The following DNM3 variants were observed in gnomAD, a reference collection of about 807,000 sequenced individuals.
DNM3 encodes dynamin 3.
Under a neutral mutation model 101.6 loss-of-function variants are expected in DNM3, and 47 were observed. That is an observed-to-expected ratio of 0.46 (90% CI 0.37 to 0.59). The LOEUF (loss-of-function observed/expected upper bound fraction) is 0.59, where lower values mean the gene tolerates loss of function less well. Ranked by LOEUF, DNM3 falls within the 20% of genes least tolerant of loss-of-function variation. DNM3 has a pLI of 0.00. For synonymous variants in DNM3, 385 were observed against 387.9 expected (o/e 0.99, Z 0.09); for missense variants, 849 against 1,085.7 (o/e 0.78, Z 3.06).
intron 20 of DNM3, among the ~76,000 whole-genome samples, chr1:172,403,741 A>G (rs1253233933): frequency 6.6e-6 from 1 of 152,168 alleles, no homozygotes; most frequent in East Asian, 1.9e-4. Context: ...CATACAACAC[A>G]GTGTTTCAAT....
rs537565922 is a variant in DNM3, at chr1:172,410,829, T to C, written c.*2988T>C. 9.2e-5 allele frequency: 91 copies of C among 985,296 alleles called. No homozygotes were observed. Among genetic ancestry groups the C allele is most frequent in the Non-Finnish European group, 1.1e-4 (89 of 829,820 alleles). 61.0% of individuals were successfully genotyped at this position (985,296 alleles called of 1,614,324 possible). On this transcript the variant is annotated 3_prime_UTR_variant, in exon 21 of 21. Coordinates refer to ENST00000627582, the MANE Select transcript of DNM3 (RefSeq NM_015569.5). ...TAAAAAGTGGTCACATAGATTAATTTTGTGACTTTTTAGTATAGACTGTAG... is the reference window on the plus strand; with the variant it reads ...TAAAAAGTGGTCACATAGATTAATTCTGTGACTTTTTAGTATAGACTGTAG...
At chr1:172,042,542 A>G (rs964386292) in intron 8 of DNM3, among the ~76,000 whole-genome samples, 7 of 152,204 alleles carry the variant, frequency 4.6e-5, no homozygotes, top group Non-Finnish European at 1.0e-4. Context: ...ATGTAACATG[A>G]TATGAGAGAG....
At chr1:171,976,788 T>C (rs2044406728) in intron 2 of DNM3, among the ~76,000 whole-genome samples, 1 of 152,254 alleles carries the variant, frequency 6.6e-6, no homozygotes, top group South Asian at 2.1e-4. Flanking sequence ...ATGCATATTG[T>C]AGCTCTGATA....
chr1:172,292,213 A>G (rs545630454), intron 15 of DNM3, among the ~76,000 whole-genome samples: 1 of 152,184 alleles, frequency 6.6e-6, no homozygotes, highest in East Asian at 1.9e-4. Flanking sequence ...ATTTTTCATT[A>G]TAATAAGCCT....
chr1:172,276,202 T>C (rs1488457969), intron 15 of DNM3, among the ~76,000 whole-genome samples: 1 of 151,992 alleles, frequency 6.6e-6, no homozygotes, highest in Non-Finnish European at 1.5e-5. Context: ...GTATTAATAA[T>C]TAGTGTGGGA....
At chr1:171,956,211 C>T (rs551473753) in intron 2 of DNM3, among the ~76,000 whole-genome samples, 11 of 152,228 alleles carry the variant, frequency 7.2e-5, no homozygotes, top group African/African-American at 1.7e-4. Flanking sequence ...AGTCCACAGT[C>T]GAAAGTCTCA....
intron 7 of DNM3, 108 bp from the exon 8 acceptor site, chr1:172,041,901 C>A: frequency 7.7e-7 from 1 of 1,291,842 alleles, no homozygotes; most frequent in Non-Finnish European, 1.0e-6. Flanking sequence ...GTAGGTGCCA[C>A]TAAGAGCACC....
intron 17 of DNM3, among the ~76,000 whole-genome samples, chr1:172,327,915 T>A (rs1012179462): frequency 6.6e-6 from 1 of 152,220 alleles, no homozygotes; most frequent in Non-Finnish European, 1.5e-5. Flanking sequence ...CAAATCAGCC[T>A]TAAAAGAGCA....
intron 14 of DNM3, among the ~76,000 whole-genome samples, chr1:172,159,797 C>T (rs1424074686): frequency 6.6e-6 from 1 of 152,014 alleles, no homozygotes; most frequent in East Asian, 1.9e-4. Flanking sequence ...AGTCATGCAT[C>T]ACTTAACAAT....
chr1:171,913,893 A>G (rs547421731), intron 1 of DNM3, among the ~76,000 whole-genome samples: 14 of 151,948 alleles, frequency 9.2e-5, no homozygotes, highest in Admixed American at 8.5e-4. Flanking sequence ...GGTTCAAGCA[A>G]TCCTCCTGCC....
At chr1:171,856,785 T>TATCAA (rs2033656442) in intron 1 of DNM3, among the ~76,000 whole-genome samples, 1 of 152,168 alleles carries the variant, frequency 6.6e-6, no homozygotes, top group Admixed American at 6.5e-5. Flanking sequence ...GTTTTCTAGA[T>TATCAA]ATCAAATCAT....
chr1:171,899,728 G>T (rs1428848316), intron 1 of DNM3, among the ~76,000 whole-genome samples: 1 of 152,204 alleles, frequency 6.6e-6, no homozygotes, highest in Non-Finnish European at 1.5e-5. Context: ...GGATACCCAA[G>T]AATTAATTAG....
At chr1:172,145,063 T>TA (rs535387676) in intron 14 of DNM3, among the ~76,000 whole-genome samples, 3,171 of 147,162 alleles carry the variant, frequency 0.022, 99 homozygotes, top group African/African-American at 0.073. Flanking sequence ...GGAAAAGCTG[T>TA]AAAAAAAAAA....
chr1:172,121,194 G>A (rs1244831811), intron 13 of DNM3, among the ~76,000 whole-genome samples: 2 of 152,056 alleles, frequency 1.3e-5, no homozygotes, highest in South Asian at 4.1e-4. Flanking sequence ...TCTGCACATG[G>A]GAAAGATACA....
Position 172,388,764 on chromosome 1 carries a change from C to T in DNM3, c.2477C>T (p.Pro826Leu). The T allele has an allele frequency of 6.2e-7, 1 of 1,608,184 alleles. No individual in the cohort carries two copies. Among genetic ancestry groups the T allele is most frequent in the African/African-American group, 1.3e-5 (1 of 74,878 alleles). The change falls in exon 20 of 21, where the codon CCA becomes CTA. Residue 826 changes from proline (P) to leucine (L), a missense_variant. This residue lies in a region of DNM3 where 256 missense variants were observed against 311.7 expected (regional missense o/e 0.82). Transcript: ENST00000627582. Reference sequence around the variant, plus strand: ...AGCAGTGACTCCTTCGGAGCCCCTCCACAAGTTCCATCTAGGCCTACGAGG... The same window carrying T: ...AGCAGTGACTCCTTCGGAGCCCCTCTACAAGTTCCATCTAGGCCTACGAGG... ...PSSSDSFGAP[P>L]QVPSRPTRAP...
At chr1:172,264,705 A>G (rs1281075101) in intron 15 of DNM3, among the ~76,000 whole-genome samples, 1 of 152,186 alleles carries the variant, frequency 6.6e-6, no homozygotes, top group Non-Finnish European at 1.5e-5. Flanking sequence ...CAAGTTTAAA[A>G]TATCATGGCT....
At chr1:172,327,274 G>A (rs780644857) in intron 17 of DNM3, among the ~76,000 whole-genome samples, 31 of 152,140 alleles carry the variant, frequency 2.0e-4, no homozygotes, top group Non-Finnish European at 4.4e-4. Flanking sequence ...GTTATCACTG[G>A]GAGTGATTAT....
At chr1:172,217,685 C>T (rs1049452356) in intron 14 of DNM3, among the ~76,000 whole-genome samples, 1 of 152,234 alleles carries the variant, frequency 6.6e-6, no homozygotes, top group African/African-American at 2.4e-5. Flanking sequence ...CAGTGCTCCA[C>T]TCTCTCCTTA....
Position 171,841,677 on chromosome 1 carries a change from G to A in DNM3, c.21G>A (p.Glu7=), listed in dbSNP as rs1433656185. The A allele has an allele frequency of 6.2e-7, 1 of 1,611,670 alleles. No homozygotes were observed. The highest frequency in any genetic ancestry group is 8.5e-7 in the Non-Finnish European group (1 of 1,179,202). The change falls in exon 1 of 21, where the codon GAG becomes GAA. Residue 7 remains glutamate, a synonymous_variant. Transcript: ENST00000627582. The part of the protein sequence containing the change: MGNREM[E]ELIPLVNRLQ... ...GCAAGATGGGGAACCGGGAGATGGA[G>A]GAGCTGATCCCGCTGGTGAACCGTC...
Sources: allele counts gnomAD v4.1 joint callset (sites outside exome capture counted in the v4.1 genomes callset), GRCh38; gene constraint gnomAD v4.1.1; regional missense constraint gnomAD v4.1.1; transcripts MANE v1.5; gene names NCBI Gene and HGNC (gene_info 2026-07-23, HGNC 2026-07-21).